The following ELAC2 variants were observed in gnomAD, a reference collection of about 807,000 sequenced individuals.
ELAC2 encodes the protein zinc phosphodiesterase ELAC protein 2.
Under a neutral mutation model 105.2 loss-of-function variants are expected in ELAC2, and 92 were observed. That is an observed-to-expected ratio of 0.87 (90% CI 0.74 to 1.04). The LOEUF is 1.04. Ranked by LOEUF, ELAC2 falls within the 50% of genes least tolerant of loss-of-function variation. ELAC2 has a pLI of 0.00. For synonymous variants in ELAC2, 468 were observed against 409.1 expected, an observed-to-expected ratio of 1.14 and a Z score of -1.74; for missense variants, 1,099 against 1,071.7, an observed-to-expected ratio of 1.03 and a Z score of -0.36.
intron 5 of ELAC2, 71 bp downstream of exon 5, chr17:13,014,368 A>G: frequency 8.7e-7 from 1 of 1,150,846 alleles, no homozygotes; most frequent in Non-Finnish European, 1.3e-6. Flanking sequence ...TTTTTAATGG[A>G]TTCTAATTTG....
chr17:12,993,600 A>T (rs377263069), intron 23 of ELAC2, 87 bp downstream of exon 23: 1 of 1,595,272 alleles, frequency 6.3e-7, no homozygotes, highest in Admixed American at 1.7e-5. Context: ...ATAAGAAAGC[A>T]AACTCCAGCT....
At position 13,005,742 on chromosome 17, in the gene ELAC2, A is replaced by T; in HGVS notation, c.870+11T>A. 6.2e-7 allele frequency: 1 copy of T among 1,614,132 alleles called. No individual in the cohort carries two copies. The highest frequency in any genetic ancestry group is 8.5e-7 in the Non-Finnish European group (1 of 1,180,002). ...CTGTAACTGCTGAATCAAGAAAACC[A>T]GGCATCTCACCTCTCTTCCTTCATG... On this transcript the variant is annotated intron_variant, in intron 10 of 23. Coordinates refer to ENST00000338034, the MANE Select transcript of ELAC2 (RefSeq NM_018127.7).
chr17:12,995,153 T>A, intron 19 of ELAC2, 91 bp from the exon 20 acceptor site: 4 of 1,288,088 alleles, frequency 3.1e-6, no homozygotes, highest in Non-Finnish European at 4.5e-6. Context: ...AACCCCAAAA[T>A]CATTCTTAGG....
chr17:13,016,250 G>A (rs1747243987), intron 3 of ELAC2, among the ~76,000 whole-genome samples: 1 of 152,224 alleles, frequency 6.6e-6, no homozygotes, highest in Non-Finnish European at 1.5e-5. Context: ...AGACATAAAT[G>A]ACAGGGTAAT....
intron 10 of ELAC2, among the ~76,000 whole-genome samples, chr17:13,005,548 A>C (rs921739588): frequency 2.0e-4 from 31 of 152,328 alleles, no homozygotes; most frequent in Admixed American, 2.0e-3. Context: ...CTAAATGGAC[A>C]ATCTACAAAA....
chr17:13,004,614 C>G (rs144935747), intron 11 of ELAC2, among the ~76,000 whole-genome samples: 1 of 152,306 alleles, frequency 6.6e-6, no homozygotes, highest in African/African-American at 2.4e-5. Flanking sequence ...ACACTCTGAC[C>G]CACCTCATTT....
Position 12,995,052 on chromosome 17 carries a change from C to T in ELAC2, c.1819G>A (p.Ala607Thr). 6.2e-7 allele frequency: 1 copy of T among 1,614,122 alleles called. No individual in the cohort carries two copies. Among genetic ancestry groups the T allele is most frequent in the South Asian group, 1.1e-5 (1 of 91,086 alleles). Residue 607 changes from alanine (A) to threonine (T), a missense_variant, in exon 20 of 24, where the codon GCC (alanine) becomes ACC (threonine). Ala to Thr is a moderately conservative substitution (Grantham distance 58). Coordinates refer to ENST00000338034, the MANE Select transcript of ELAC2 (RefSeq NM_018127.7). ...EVLHHISMIP[A>T]KCLQEGAEIS... ...TCAGCCCCTTCCTGAAGGCATTTGG[C>T]AGGAATCATACTGTAAAAAGACAAA...
At chr17:13,009,930 AG>A (rs1287058010) in intron 8 of ELAC2, among the ~76,000 whole-genome samples, 4 of 148,074 alleles carry the variant, frequency 2.7e-5, no homozygotes, top group Admixed American at 2.0e-4. Context: ...TGGAGGCTGC[AG>A]TGAGCCGAGA....
At chr17:13,005,694 C>G in intron 10 of ELAC2, 59 bp downstream of exon 10, 1 of 1,573,798 alleles carries the variant, frequency 6.4e-7, no homozygotes, top group Non-Finnish European at 8.7e-7. Flanking sequence ...AAGACAGACT[C>G]TGCCCAGCAT....
In ELAC2 at chr17:13,005,791, C is replaced by CAGCAGCAATGATGGG; in HGVS notation, c.817_831dup (p.Pro273_Ala277dup). ...TGAGTGATGCTTTTCCCGTCCTTGA[C>CAGCAGCAATGATGGG]AGCAGCAATGATGGGAGCGATGGCA... On this transcript the variant is annotated inframe_insertion, in exon 10 of 24. Coordinates refer to ENST00000338034, the MANE Select transcript of ELAC2 (RefSeq NM_018127.7). 6.2e-7 allele frequency: 1 copy of CAGCAGCAATGATGGG among 1,614,188 alleles called. No homozygotes were observed. The highest frequency in any genetic ancestry group is 8.5e-7 in the Non-Finnish European group (1 of 1,180,040).
chr17:13,007,403 T>C (rs1016561432), intron 8 of ELAC2, among the ~76,000 whole-genome samples: 2 of 152,216 alleles, frequency 1.3e-5, no homozygotes, highest in East Asian at 1.9e-4. Flanking sequence ...CTCAGGGTTG[T>C]AGAATTTTCC....
At position 13,002,318 on chromosome 17, in the gene ELAC2, T is replaced by C; in HGVS notation, c.1260A>G (p.Glu420=). 6.2e-7 allele frequency: 1 copy of C among 1,614,152 alleles called. No homozygotes were observed. The highest frequency in any genetic ancestry group is 8.5e-7 in the Non-Finnish European group (1 of 1,180,038). The change falls in exon 14 of 24, where the codon GAA becomes GAG. Residue 420 remains glutamate, a synonymous_variant. Coordinates refer to ENST00000338034, the MANE Select transcript of ELAC2 (RefSeq NM_018127.7). ...GACGGAGCTGGTACTTGAGGAGGCA[T>C]TCACCCTGAACCATGGGCACACTGA... is the stretch of plus-strand genomic sequence containing the variant. ...PTLSVPMVQG[E]CLLKYQLRPR... is the part of the protein sequence containing the mutation.
In ELAC2 at chr17:13,015,798, T is replaced by C. The variant is rs1321008242; in HGVS notation, c.402A>G (p.Pro134=). The C allele has an allele frequency of 1.2e-6, 2 of 1,614,162 alleles. No homozygotes were observed. The highest frequency in any genetic ancestry group is 1.7e-6 in the Non-Finnish European group (2 of 1,179,976). ...MILTLKETGL[P]KCVLSGPPQL... is the part of the protein sequence containing the mutation. Reference sequence around the variant, plus strand: ...GTGGAGGTCCAGAAAGTACACACTTTGGAAGCCCGGTTTCCTTTAAAGTAA... The same window carrying C: ...GTGGAGGTCCAGAAAGTACACACTTCGGAAGCCCGGTTTCCTTTAAAGTAA... The change falls in exon 4 of 24, where the codon CCA becomes CCG. Residue 134 remains proline, a synonymous_variant. Transcript: ENST00000338034.
At chr17:13,011,549 G>A (rs1260392136) in intron 7 of ELAC2, 114 bp downstream of exon 7, 2 of 1,547,590 alleles carry the variant, frequency 1.3e-6, no homozygotes, top group African/African-American at 2.7e-5. Context: ...CCAGGAAGAA[G>A]GATCTGTTTA....
chr17:13,004,885 G>A, intron 11 of ELAC2, 104 bp downstream of exon 11: 1 of 941,864 alleles, frequency 1.1e-6, no homozygotes, highest in Non-Finnish European at 1.7e-6. Context: ...TGTAAACCCA[G>A]ATAGTGGTCT....
Position 13,017,752 on chromosome 17 carries a change from C to T in ELAC2, c.196G>A (p.Gly66Ser). The T allele has an allele frequency of 6.2e-7, 1 of 1,611,916 alleles. No individual in the cohort carries two copies. Among genetic ancestry groups the T allele is most frequent in the Non-Finnish European group, 8.5e-7 (1 of 1,179,492 alleles). ...AGCGCGGCGCCCGAGTCCCGGCTACCCGCTGCCACCACCTGCAGGTACACG... is the reference window on the plus strand; with the variant it reads ...AGCGCGGCGCCCGAGTCCCGGCTACTCGCTGCCACCACCTGCAGGTACACG... ...NTVYLQVVAA[G>S]SRDSGAALYV... Residue 66 changes from glycine (G) to serine (S), a missense_variant, in exon 1 of 24, where the codon GGT (glycine) becomes AGT (serine). Coordinates refer to ENST00000338034, the MANE Select transcript of ELAC2 (RefSeq NM_018127.7).
chr17:13,010,444 C>T (rs923720177), intron 8 of ELAC2, among the ~76,000 whole-genome samples, 169 bp downstream of exon 8: 6 of 152,234 alleles, frequency 3.9e-5, no homozygotes, highest in African/African-American at 1.4e-4. Context: ...GCTGGGATTA[C>T]AGGCGTGAGC....
intron 11 of ELAC2, among the ~76,000 whole-genome samples, chr17:13,004,626 T>C (rs1224412953): frequency 6.6e-6 from 1 of 152,224 alleles, no homozygotes; most frequent in Non-Finnish European, 1.5e-5. Context: ...ACCTCATTTG[T>C]TTCAATGCAG....
At chr17:12,993,555 G>A (rs1598192060) in intron 23 of ELAC2, 132 bp downstream of exon 23, 7 of 1,375,634 alleles carry the variant, frequency 5.1e-6, no homozygotes, top group Non-Finnish European at 7.0e-6. Context: ...CCTGGTTAGT[G>A]ATGGGTAGAT....
Sources: gnomAD v4.1 joint callset for allele counts (sites outside exome capture counted in the v4.1 genomes callset) on GRCh38, gnomAD v4.1.1 for gene constraint, MANE v1.5 for transcripts, NCBI Gene and HGNC (gene_info 2026-07-23, HGNC 2026-07-21) for gene names.